EPHA6: variants seen among roughly 807,000 people sequenced by gnomAD.
The protein encoded by EPHA6 is EPH receptor A6, also known as ephrin type-A receptor 6.
A neutral mutation model predicts 112.0 loss-of-function variants in EPHA6; 50 were observed. The observed-to-expected ratio is 0.45, with a 90% CI of 0.36 to 0.56. The LOEUF is 0.56. EPHA6 is among the 20% of genes least tolerant of loss of function. The pLI is 0.00. For missense variants in EPHA6, 1,280 were observed against 1,417.4 expected, an observed-to-expected ratio of 0.90 and a Z score of 1.56; for synonymous variants, 529 against 490.7, an observed-to-expected ratio of 1.08 and a Z score of -1.03.
intron 3 of EPHA6, among the ~76,000 whole-genome samples, chr3:97,127,767 C>A (rs974072612): frequency 6.6e-5 from 10 of 150,764 alleles, no homozygotes; most frequent in Admixed American, 2.6e-4. Context: ...TTCTCAAATT[C>A]TTTAGCTTCC....
At chr3:97,068,597 T>C (rs535047285) in intron 3 of EPHA6, among the ~76,000 whole-genome samples, 13 of 151,928 alleles carry the variant, frequency 8.6e-5, no homozygotes, top group African/African-American at 2.9e-4. Context: ...TAAGAGAGTT[T>C]TGAGGAACAT....
At chr3:97,139,701 G>T (rs1236086857) in intron 3 of EPHA6, among the ~76,000 whole-genome samples, 1 of 151,162 alleles carries the variant, frequency 6.6e-6, no homozygotes, top group Non-Finnish European at 1.5e-5. Context: ...CCAAACAAAA[G>T]AAAATTCAAA....
At chr3:97,536,418 C>A (rs1331755006) in intron 11 of EPHA6, among the ~76,000 whole-genome samples, 3 of 152,174 alleles carry the variant, frequency 2.0e-5, no homozygotes, top group Non-Finnish European at 2.9e-5. Flanking sequence ...GATATGCCAA[C>A]TGTATCTAAA....
intron 13 of EPHA6, among the ~76,000 whole-genome samples, chr3:97,619,436 G>GT (rs962085891): frequency 8.5e-6 from 1 of 117,412 alleles, no homozygotes; most frequent in African/African-American, 4.7e-5. Flanking sequence ...TAGAAAAAGG[G>GT]GGGGGGGGGC....
chr3:97,007,569 T>TA (rs2043932906), intron 3 of EPHA6, among the ~76,000 whole-genome samples: 1 of 152,188 alleles, frequency 6.6e-6, no homozygotes, highest in Non-Finnish European at 1.5e-5. Context: ...AAATCACCAG[T>TA]CTGTATCTTT....
At chr3:97,104,682 C>T (rs930103208) in intron 3 of EPHA6, among the ~76,000 whole-genome samples, 14 of 151,786 alleles carry the variant, frequency 9.2e-5, no homozygotes, top group African/African-American at 1.7e-4. Flanking sequence ...GAAATCCTTC[C>T]GCCTCAATTT....
At chr3:96,985,059 G>GC (rs1324686969) in intron 2 of EPHA6, among the ~76,000 whole-genome samples, 1 of 152,086 alleles carries the variant, frequency 6.6e-6, no homozygotes, top group Non-Finnish European at 1.5e-5. Context: ...CCACTGTCCT[G>GC]CCCCCACTGT....
chr3:97,668,294 A>G (rs997053302), intron 14 of EPHA6, among the ~76,000 whole-genome samples: 1 of 152,028 alleles, frequency 6.6e-6, no homozygotes, highest in Non-Finnish European at 1.5e-5. Flanking sequence ...AAAATCTATG[A>G]CTCCCAGATT....
At chr3:97,628,593 T>C (rs2093877715) in intron 13 of EPHA6, among the ~76,000 whole-genome samples, 1 of 152,060 alleles carries the variant, frequency 6.6e-6, no homozygotes, top group Non-Finnish European at 1.5e-5. Context: ...AATATGACTA[T>C]TGAAATAACA....
chr3:97,466,352 C>G, intron 7 of EPHA6: 1 of 1,606,000 alleles, frequency 6.2e-7, no homozygotes, highest in Non-Finnish European at 8.5e-7. Flanking sequence ...AGTCCTGCAT[C>G]GCCCTGCCCC....
intron 3 of EPHA6, among the ~76,000 whole-genome samples, chr3:97,075,270 C>CA (rs967077636): frequency 1.3e-5 from 2 of 151,786 alleles, no homozygotes; most frequent in Non-Finnish European, 2.9e-5. Flanking sequence ...TTTACTCATT[C>CA]AAAAATAAAG....
chr3:97,735,203 A>G (rs2035202778), intron 15 of EPHA6, among the ~76,000 whole-genome samples: 1 of 152,032 alleles, frequency 6.6e-6, no homozygotes. Context: ...ACTGTGTGCT[A>G]CCATGTTGTA....
chr3:97,405,189 C>A lies in EPHA6; in HGVS notation c.1646C>A (p.Ser549Tyr). 1 of 1,605,862 alleles carries A rather than the reference C, an allele frequency of 6.2e-7. No individual in the cohort carries two copies. Among genetic ancestry groups the A allele is most frequent in the Non-Finnish European group, 8.5e-7 (1 of 1,175,508 alleles). Residue 549 changes from serine (S) to tyrosine (Y), a missense_variant, in exon 6 of 18, where the codon TCC becomes TAC. Transcript: ENST00000389672. ...GGTGTGGTAAGGAAGGACTGGGCAT[C>A]CCAAAATAGCATTGCCCTATCATGG... The part of the protein sequence containing the change: ...LIGVVRKDWA[S>Y]QNSIALSWQA...
rs1398854636 is a variant in EPHA6, at chr3:97,692,266, G to A, written c.2785-27995G>A. ...TTTCTGTTCTTAATAGGTATGCAAAGTTTGTCTGGGTGAATATAATTAATT... is the reference window on the plus strand; with the variant it reads ...TTTCTGTTCTTAATAGGTATGCAAAATTTGTCTGGGTGAATATAATTAATT... On this transcript the variant is annotated intron_variant, in intron 14 of 17. Transcript: ENST00000389672. Among the ~76,000 whole-genome samples, 3 of 152,122 alleles carry A rather than the reference G, an allele frequency of 2.0e-5. No homozygotes were observed. In the East Asian group the frequency reaches 5.8e-4, roughly 29 times the overall value.
chr3:97,092,101 A>ATTT (rs1559722636), intron 3 of EPHA6, among the ~76,000 whole-genome samples: 10 of 143,278 alleles, frequency 7.0e-5, no homozygotes, highest in African/African-American at 2.8e-4. Context: ...TTTTTTTAAA[A>ATTT]AAAAAAAGCA....
chr3:97,710,148 G>T (rs2033891362), intron 14 of EPHA6, among the ~76,000 whole-genome samples: 1 of 152,088 alleles, frequency 6.6e-6, no homozygotes, highest in African/African-American at 2.4e-5. Flanking sequence ...CACCTTTGGG[G>T]GTGAGCCCTT....
At chr3:97,505,892 A>G (rs2092238135) in intron 10 of EPHA6, among the ~76,000 whole-genome samples, 2 of 152,196 alleles carry the variant, frequency 1.3e-5, no homozygotes. Context: ...CTGGCATGAG[A>G]TAATATTTCA....
chr3:97,381,899 C>T (rs1001387075), intron 5 of EPHA6, among the ~76,000 whole-genome samples: 9 of 152,024 alleles, frequency 5.9e-5, no homozygotes, highest in East Asian at 5.8e-4. Flanking sequence ...AAACATGGGA[C>T]GCACTTAATA....
intron 1 of EPHA6, among the ~76,000 whole-genome samples, chr3:96,824,986 A>AACTTTACAT (rs1441364966): frequency 6.6e-6 from 1 of 151,934 alleles, no homozygotes; most frequent in African/African-American, 2.4e-5. Context: ...AAATGATATA[A>AACTTTACAT]ACTTTACATA....
Sources: allele counts gnomAD v4.1 joint callset (sites outside exome capture counted in the v4.1 genomes callset), GRCh38; gene constraint gnomAD v4.1.1; transcripts MANE v1.5; gene names NCBI Gene and HGNC (gene_info 2026-07-23, HGNC 2026-07-21).